The following SLA variants were observed in gnomAD, a reference collection of about 807,000 sequenced individuals.
SLA encodes Src like adaptor.
A neutral mutation model predicts 30.3 loss-of-function variants in SLA; 16 were observed. The observed-to-expected ratio is 0.53, with a 90% confidence interval of 0.36 to 0.80. SLA has a LOEUF of 0.80. Among genes scored for constraint, SLA ranks in the 30% least tolerant of loss-of-function variants. The pLI is 0.01. For missense variants in SLA, 310 were observed against 345.2 expected (o/e 0.90, Z 0.81); for synonymous variants, 143 against 137.8 (o/e 1.04, Z -0.26).
chr8:133,071,666 C>T (rs1844060963), intron 2 of SLA, among the ~76,000 whole-genome samples: 3 of 151,902 alleles, frequency 2.0e-5, no homozygotes, highest in Admixed American at 1.3e-4. Context: ...GGGGAGGAGG[C>T]GCACCTGCAA....
Position 133,039,953 on chromosome 8 carries a change from G to GCACACA in SLA, c.617+39_617+44dup, listed in dbSNP as rs3835182. 6,935 of 1,429,936 alleles carry GCACACA rather than the reference G, an allele frequency of 4.8e-3. 16 individuals are homozygous for GCACACA. The highest frequency in any genetic ancestry group is 0.018 in the African/African-American group (1,231 of 67,314). 88.6% of individuals were successfully genotyped at this position (1,429,936 alleles called of 1,614,324 possible). On this transcript the variant is annotated intron_variant, in intron 8 of 8. Transcript: ENST00000338087. ...TCACATGTTCACAGAGCACTTGCAT[G>GCACACA]CACACACACACACACACACACACAC...
In SLA at chr8:133,098,765, G is replaced by T. The variant is rs1317625863; in HGVS notation, c.-319+3788C>A. Reference sequence around the variant, plus strand: ...GCCATCCATCAGGGAGGGTGAGGGGGTTGTTCTTGTTGGCAGATCTGGGAC... The same window carrying T: ...GCCATCCATCAGGGAGGGTGAGGGGTTTGTTCTTGTTGGCAGATCTGGGAC... On this transcript the variant is annotated intron_variant, in intron 1 of 8. Coordinates refer to ENST00000338087, the MANE Select transcript of SLA (RefSeq NM_001045556.3). 3.3e-5 allele frequency among the ~76,000 whole-genome samples: 5 copies of T among 152,154 alleles called. No homozygotes were observed. The East Asian group carries it at 9.6e-4, about 29-fold the overall frequency.
chr8:133,046,636 AC>A (rs1259019176), intron 6 of SLA: 1 of 152,048 alleles, frequency 6.6e-6, no homozygotes, highest in Non-Finnish European at 1.5e-5. Flanking sequence ...TACGACACCC[AC>A]CCTGGGTTCT....
Position 133,050,846 on chromosome 8 carries a change from C to T in SLA, c.131G>A (p.Arg44His), listed in dbSNP as rs201581025. ...PSPDISPPIF[R>H]RGEKLRVISD... is the part of the protein sequence containing the mutation. ...AATCACACGCAGTTTCTCCCCTCGG[C>T]GGAATATCGGGGGGCTGATGTCAGG... The change falls in exon 4 of 9, where the codon CGC (arginine) becomes CAC (histidine). Residue 44 changes from arginine (R) to histidine (H), a missense_variant. Transcript: ENST00000338087. 9.9e-5 allele frequency: 159 copies of T among 1,612,722 alleles called. No individual in the cohort carries two copies. Among genetic ancestry groups the T allele is most frequent in the Non-Finnish European group, 1.2e-4 (147 of 1,178,842 alleles).
chr8:133,091,327 G>A (rs959792235), intron 1 of SLA, among the ~76,000 whole-genome samples: 1 of 152,214 alleles, frequency 6.6e-6, no homozygotes, highest in South Asian at 2.1e-4. Context: ...TGTAGATGAG[G>A]ATTCACATTC....
Position 133,038,354 on chromosome 8 carries a change from G to T in SLA, c.*170C>A. On this transcript the variant is annotated 3_prime_UTR_variant, in exon 9 of 9. Coordinates refer to ENST00000338087, the MANE Select transcript of SLA (RefSeq NM_001045556.3). ...TCAGACACCAGGGAGGGGTTCCTTT[G>T]GTCATGATGTGGATAGAGAAGATGC... 5 of 617,912 alleles carry T rather than the reference G, an allele frequency of 8.1e-6. No individual in the cohort carries two copies. The highest frequency in any genetic ancestry group is 1.4e-5 in the Non-Finnish European group (5 of 347,398). The allele number at this position is 617,912 out of a possible 1,614,324, so 38.3% of individuals were successfully genotyped here.
intron 2 of SLA, among the ~76,000 whole-genome samples, chr8:133,068,773 T>A (rs2739147): frequency 1.3e-5 from 2 of 152,242 alleles, no homozygotes; most frequent in African/African-American, 4.8e-5. Flanking sequence ...TGATAGTTCA[T>A]GGAAATAAAA....
chr8:133,056,944 C>T (rs1020659888), intron 3 of SLA, among the ~76,000 whole-genome samples: 1 of 152,148 alleles, frequency 6.6e-6, no homozygotes, highest in South Asian at 2.1e-4. Flanking sequence ...GGTTCTGATT[C>T]GTGGGCCTGG....
intron 2 of SLA, among the ~76,000 whole-genome samples, chr8:133,060,979 AAGCT>A (rs1297881378): frequency 1.3e-5 from 2 of 152,200 alleles, no homozygotes; most frequent in African/African-American, 4.8e-5. Flanking sequence ...GTGTACTTAC[AAGCT>A]AGATGACTTC....
At chr8:133,080,759 C>T (rs919058090) in intron 1 of SLA, among the ~76,000 whole-genome samples, 1 of 152,240 alleles carries the variant, frequency 6.6e-6, no homozygotes, top group Admixed American at 6.5e-5. Context: ...AGACAAGCCC[C>T]TCACCTCTTC....
At chr8:133,095,952 C>G (rs1484799227) in intron 1 of SLA, among the ~76,000 whole-genome samples, 1 of 152,180 alleles carries the variant, frequency 6.6e-6, no homozygotes, top group African/African-American at 2.4e-5. Flanking sequence ...GCTTTCCCAT[C>G]CCTACCTGGG....
rs1458527830 is a variant in SLA at position 133,050,839 on chromosome 8, C to A, written c.138G>T (p.Gly46=). Residue 46 remains glycine, a synonymous_variant, in exon 4 of 9, where the codon GGG becomes GGT. Coordinates refer to ENST00000338087, the MANE Select transcript of SLA (RefSeq NM_001045556.3). ...PDISPPIFRR[G]EKLRVISDEG... is the part of the protein sequence containing the mutation. ...ACTCAGAAATCACACGCAGTTTCTC[C>A]CCTCGGCGGAATATCGGGGGGCTGA... 2.2e-5 allele frequency: 35 copies of A among 1,612,364 alleles called. No individual in the cohort carries two copies. The highest frequency in any genetic ancestry group is 3.0e-5 in the Non-Finnish European group (35 of 1,178,498).
At chr8:133,062,763 C>T (rs1238750218) in intron 2 of SLA, among the ~76,000 whole-genome samples, 3 of 152,218 alleles carry the variant, frequency 2.0e-5, no homozygotes, top group African/African-American at 7.2e-5. Context: ...GGCTGTTCTG[C>T]ACAGGCCTTG....
intron 2 of SLA, among the ~76,000 whole-genome samples, chr8:133,067,947 GAAAGAAAGAAGGA>G (rs995336018): frequency 1.3e-5 from 2 of 151,552 alleles, no homozygotes; most frequent in African/African-American, 4.9e-5. Context: ...AAGAAAGAGA[GAAAGAAAGAAGGA>G]AAAGAAAGAA....
chr8:133,061,592 A>T lies in SLA; in HGVS notation c.-40-1392T>A, dbSNP rs189594063. Among the ~76,000 whole-genome samples the T allele has an allele frequency of 1.7e-3, 253 of 152,348 alleles. 3 individuals are homozygous for T. The Middle Eastern group carries it at 0.017, about 10-fold the overall frequency. ...GTGGAAGCACAGAGAGGAAGGCCAC[A>T]TTCATAAATAGAGCTCTGCCTGCTT... On this transcript the variant is annotated intron_variant, in intron 2 of 8. Coordinates refer to ENST00000338087, the MANE Select transcript of SLA (RefSeq NM_001045556.3).
intron 3 of SLA, among the ~76,000 whole-genome samples, chr8:133,054,580 G>A (rs1434810546): frequency 6.6e-6 from 1 of 152,208 alleles, no homozygotes; most frequent in Non-Finnish European, 1.5e-5. Context: ...TTTTCATGGA[G>A]AGCGGGGTCA....
At chr8:133,092,069 T>C (rs942904577) in intron 1 of SLA, among the ~76,000 whole-genome samples, 2 of 152,144 alleles carry the variant, frequency 1.3e-5, no homozygotes, top group African/African-American at 2.4e-5. Context: ...GTCTCCTGTG[T>C]TGTGTGATTT....
intron 1 of SLA, among the ~76,000 whole-genome samples, chr8:133,092,545 C>A (rs139023520): frequency 3.3e-4 from 50 of 152,156 alleles, no homozygotes; most frequent in African/African-American, 1.1e-3. Context: ...GCCACAGCTC[C>A]CACTGTGCAG....
chr8:133,102,485 C>T (rs1044674260), intron 1 of SLA, 68 bp downstream of exon 1: 12 of 1,436,416 alleles, frequency 8.4e-6, no homozygotes, highest in Non-Finnish European at 1.1e-5. Context: ...GACCCTCCCC[C>T]ACATACCACC....
Sources: allele counts gnomAD v4.1 joint callset (sites outside exome capture counted in the v4.1 genomes callset), GRCh38; gene constraint gnomAD v4.1.1; transcripts MANE v1.5; gene names NCBI Gene and HGNC (gene_info 2026-07-23, HGNC 2026-07-21).